IMMP2L: variants seen among roughly 807,000 people sequenced by gnomAD.
IMMP2L encodes the protein mitochondrial inner membrane protease subunit 2.
In IMMP2L, 18 loss-of-function variants were observed where a neutral mutation model predicts 19.3. The observed-to-expected ratio is 0.93, with a 90% CI of 0.64 to 1.38. The LOEUF is 1.38. IMMP2L is among the 40% of genes most tolerant of loss of function. The pLI, the probability that IMMP2L is intolerant of heterozygous loss-of-function variation, is 0.00. For missense variants in IMMP2L, 233 were observed against 218.2 expected (o/e 1.07, Z -0.43); for synonymous variants, 76 against 73.0 (o/e 1.04, Z -0.21).
intron 3 of IMMP2L, among the ~76,000 whole-genome samples, chr7:111,320,952 G>C (rs1460403886): frequency 1.3e-5 from 2 of 152,016 alleles, no homozygotes; most frequent in Non-Finnish European, 2.9e-5. Flanking sequence ...GAACAAAGGA[G>C]ACACTCACTA....
chr7:111,493,821 A>G (rs1843333244), intron 2 of IMMP2L, among the ~76,000 whole-genome samples: 1 of 151,632 alleles, frequency 6.6e-6, no homozygotes, highest in Admixed American at 6.6e-5. Context: ...TCCTGGCTCA[A>G]CACGGTGAAA....
At chr7:110,886,430 T>C (rs1810226752) in intron 5 of IMMP2L, among the ~76,000 whole-genome samples, 163 bp downstream of exon 5, 1 of 152,074 alleles carries the variant, frequency 6.6e-6, no homozygotes, top group African/African-American at 2.4e-5. Context: ...TCTGATAGTG[T>C]ACCTTATCTA....
intron 3 of IMMP2L, among the ~76,000 whole-genome samples, chr7:111,022,975 A>G (rs965399080): frequency 6.6e-6 from 1 of 152,324 alleles, no homozygotes; most frequent in Admixed American, 6.5e-5. Flanking sequence ...ACCGGACACA[A>G]TACAAATTCA....
At chr7:110,819,029 C>T (rs1584928156) in intron 5 of IMMP2L, among the ~76,000 whole-genome samples, 1 of 151,710 alleles carries the variant, frequency 6.6e-6, no homozygotes, top group East Asian at 2.0e-4. Context: ...TTAATATGTG[C>T]AGCACACCAA....
At chr7:110,851,728 T>C (rs1338319258) in intron 5 of IMMP2L, among the ~76,000 whole-genome samples, 1 of 152,138 alleles carries the variant, frequency 6.6e-6, no homozygotes, top group Non-Finnish European at 1.5e-5. Flanking sequence ...CACATTGTTA[T>C]CTGAAAAATT....
chr7:110,940,274 G>A (rs1019509007), intron 4 of IMMP2L, among the ~76,000 whole-genome samples: 1 of 149,470 alleles, frequency 6.7e-6, no homozygotes, highest in Non-Finnish European at 1.5e-5. Context: ...AGCCAAGATT[G>A]CACCACTGCA....
At chr7:111,492,953 G>C (rs1474044167) in intron 2 of IMMP2L, among the ~76,000 whole-genome samples, 1 of 152,144 alleles carries the variant, frequency 6.6e-6, no homozygotes, top group Non-Finnish European at 1.5e-5. Flanking sequence ...CCACTCAGGT[G>C]TAAGTTTCTC....
At chr7:111,425,694 T>C (rs1836007305) in intron 3 of IMMP2L, among the ~76,000 whole-genome samples, 2 of 151,098 alleles carry the variant, frequency 1.3e-5, no homozygotes, top group Non-Finnish European at 3.0e-5. Context: ...TAAAAAGTCA[T>C]TTCTCCAAAA....
chr7:110,866,296 C>T lies in IMMP2L; in HGVS notation c.408+20297G>A, dbSNP rs186703411. Among the ~76,000 whole-genome samples the T allele has an allele frequency of 1.5e-4, 23 of 151,988 alleles. 1 individual carries two copies. Among genetic ancestry groups the T allele is most frequent in the African/African-American group, 5.1e-4 (21 of 41,512 alleles). ...AAAGAGAAATGGAGATAGGAATAATCGCATAAAATCTGGTAGTTGGTTGTG... is the reference window on the plus strand; with the variant it reads ...AAAGAGAAATGGAGATAGGAATAATTGCATAAAATCTGGTAGTTGGTTGTG... On this transcript the variant is annotated intron_variant, in intron 5 of 5. Coordinates refer to ENST00000405709, the MANE Select transcript of IMMP2L (RefSeq NM_032549.4).
chr7:111,470,159 T>C (rs1255006877), intron 3 of IMMP2L, among the ~76,000 whole-genome samples: 2 of 151,960 alleles, frequency 1.3e-5, no homozygotes, highest in Non-Finnish European at 2.9e-5. Flanking sequence ...GAAATGCAAA[T>C]CAAAACCACA....
intron 3 of IMMP2L, among the ~76,000 whole-genome samples, chr7:111,337,414 ATC>A (rs1049297976): frequency 1.3e-5 from 2 of 152,000 alleles, no homozygotes; most frequent in Admixed American, 6.6e-5. Flanking sequence ...ATTTTGCAGT[ATC>A]TAACTGAAGG....
chr7:110,845,635 A>T (rs1585010100), intron 5 of IMMP2L, among the ~76,000 whole-genome samples: 1 of 152,130 alleles, frequency 6.6e-6, no homozygotes, highest in East Asian at 1.9e-4. Flanking sequence ...ACTCTTTATT[A>T]TAATTTTCCT....
intron 5 of IMMP2L, among the ~76,000 whole-genome samples, chr7:110,823,055 A>G (rs916025059): frequency 1.1e-4 from 16 of 152,128 alleles, no homozygotes; most frequent in African/African-American, 3.4e-4. Flanking sequence ...TGGAAATGCC[A>G]GTTTTATGAA....
chr7:111,118,606 C>G (rs1219511769), intron 3 of IMMP2L, among the ~76,000 whole-genome samples: 1 of 151,896 alleles, frequency 6.6e-6, no homozygotes, highest in African/African-American at 2.4e-5. Flanking sequence ...CTCACAAGTT[C>G]ATTAATATTA....
chr7:111,336,874 A>C (rs547388779), intron 3 of IMMP2L, among the ~76,000 whole-genome samples: 1 of 149,638 alleles, frequency 6.7e-6, no homozygotes, highest in Non-Finnish European at 1.5e-5. Flanking sequence ...ACTCAGTCTT[A>C]TTTATACTGA....
At chr7:111,261,880 G>A (rs1817345616) in intron 3 of IMMP2L, among the ~76,000 whole-genome samples, 1 of 152,096 alleles carries the variant, frequency 6.6e-6, no homozygotes, top group African/African-American at 2.4e-5. Flanking sequence ...TAAGAAATAT[G>A]ATTTTACCCT....
chr7:111,336,415 T>C lies in IMMP2L; in HGVS notation c.239+150823A>G, dbSNP rs1286995439. ...TATTATGTGTTTAAAATGTTTTAGA[T>C]ACTTTTAGTTATGATGACACTTCTC... On this transcript the variant is annotated intron_variant, in intron 3 of 5. Transcript: ENST00000405709. Among the ~76,000 whole-genome samples, 6 of 152,158 alleles carry C rather than the reference T, an allele frequency of 3.9e-5. No individual in the cohort carries two copies. The East Asian group carries it at 1.2e-3, about 29-fold the overall frequency.
chr7:111,399,520 A>G (rs936569509), intron 3 of IMMP2L, among the ~76,000 whole-genome samples: 1 of 151,714 alleles, frequency 6.6e-6, no homozygotes, highest in African/African-American at 2.4e-5. Context: ...ATGCCTGCCT[A>G]ATTTTTTTAT....
At chr7:111,289,918 T>C (rs1357319134) in intron 3 of IMMP2L, among the ~76,000 whole-genome samples, 3 of 152,054 alleles carry the variant, frequency 2.0e-5, no homozygotes, top group Admixed American at 6.6e-5. Flanking sequence ...CCATTTGAAT[T>C]GGAATTTGAT....
Sources: allele counts gnomAD v4.1 joint callset (sites outside exome capture counted in the v4.1 genomes callset), GRCh38; gene constraint gnomAD v4.1.1; transcripts MANE v1.5; gene names NCBI Gene and HGNC (gene_info 2026-07-23, HGNC 2026-07-21).